B3GNT9: variants seen among roughly 807,000 people sequenced by gnomAD.
B3GNT9 encodes UDP-GlcNAc:betaGal beta-1,3-N-acetylglucosaminyltransferase 9, also known as BGnT-9.
For synonymous variants in B3GNT9, 359 were observed against 283.9 expected, an observed-to-expected ratio of 1.26 and a Z score of -2.66; for missense variants, 669 against 599.2, an observed-to-expected ratio of 1.12 and a Z score of -1.22.
rs2030336683 is a variant in B3GNT9 at position 67,148,982 on chromosome 16, C to G, written c.*295G>C. 2.6e-5 allele frequency: 9 copies of G among 350,124 alleles called. No individual in the cohort carries two copies. The highest frequency in any genetic ancestry group is 4.7e-5 in the Admixed American group (1 of 21,124). 21.7% of individuals were successfully genotyped at this position (350,124 alleles called of 1,614,324 possible). ...GATTCCCTAAGTCCCTGCCACCACACCAGAACACACCTCTGTGCTACTAGG... is the reference window on the plus strand; with the variant it reads ...GATTCCCTAAGTCCCTGCCACCACAGCAGAACACACCTCTGTGCTACTAGG... On this transcript the variant is annotated 3_prime_UTR_variant, in exon 2 of 2. Coordinates refer to ENST00000449549, the MANE Select transcript of B3GNT9 (RefSeq NM_033309.3).
rs926043429 is a variant in B3GNT9, at chr16:67,150,612, G to T, written c.-127C>A. 2 of 747,032 alleles carry T rather than the reference G, an allele frequency of 2.7e-6. No individual in the cohort carries two copies. The highest frequency in any genetic ancestry group is 4.3e-5 in the Admixed American group (1 of 22,990). 46.3% of individuals were successfully genotyped at this position (747,032 alleles called of 1,614,324 possible). Reference sequence around the variant, plus strand: ...CCGGGGGGGGCTCCAGCGACCGACGGTTGAGCCCCTTGCGTTGTTCTCCTC... The same window carrying T: ...CCGGGGGGGGCTCCAGCGACCGACGTTTGAGCCCCTTGCGTTGTTCTCCTC... On this transcript the variant is annotated 5_prime_UTR_variant, in exon 2 of 2. Coordinates refer to ENST00000449549, the MANE Select transcript of B3GNT9 (RefSeq NM_033309.3).
chr16:67,150,382 G>A lies in B3GNT9; in HGVS notation c.104C>T (p.Thr35Met). 2 of 1,348,324 alleles carry A rather than the reference G, an allele frequency of 1.5e-6. No individual in the cohort carries two copies. Among genetic ancestry groups the A allele is most frequent in the East Asian group, 3.1e-5 (1 of 32,340 alleles). The allele number at this position is 1,348,324 out of a possible 1,614,324, so 83.5% of individuals were successfully genotyped here. The stretch of plus-strand genomic sequence containing the variant: ...CCCTCGCCCTCGCGGCGCGCTCGCC[G>A]TCGGGGCCGCGCCGTCGCGCTGCGC... ...LYAQRDGAAPTASAPRGRGRA... is the reference protein window; with the variant it reads ...LYAQRDGAAPMASAPRGRGRA... Residue 35 changes from threonine to methionine, a missense_variant, in exon 2 of 2, where the codon ACG becomes ATG. Coordinates refer to ENST00000449549, the MANE Select transcript of B3GNT9 (RefSeq NM_033309.3).
Position 67,149,472 on chromosome 16 carries a change from G to T in B3GNT9, c.1014C>A (p.Thr338=). 1 of 1,608,850 alleles carries T rather than the reference G, an allele frequency of 6.2e-7. No individual in the cohort carries two copies. The highest frequency in any genetic ancestry group is 2.2e-5 in the East Asian group (1 of 44,640). The part of the protein sequence containing the change: ...LTPEPHPAFR[T]FGIPQPSAAP... ...CGGCTGAAGGCTGGGGGATGCCAAA[G>T]GTGCGGAAGGCAGGGTGAGGCTCGG... is the stretch of plus-strand genomic sequence containing the variant. Residue 338 remains threonine (T), a synonymous_variant, in exon 2 of 2, where the codon ACC becomes ACA. Coordinates refer to ENST00000449549, the MANE Select transcript of B3GNT9 (RefSeq NM_033309.3).
chr16:67,150,138 C>T lies in B3GNT9; in HGVS notation c.348G>A (p.Pro116=), dbSNP rs747769034. Residue 116 remains proline, a synonymous_variant, in exon 2 of 2, where the codon CCG becomes CCA. Coordinates refer to ENST00000449549, the MANE Select transcript of B3GNT9 (RefSeq NM_033309.3). ...CCGACTTGACAGCAATAAGCAGGTCCGGGCGGCCACCGGGTGCGCCGTCGC... is the reference window on the plus strand; with the variant it reads ...CCGACTTGACAGCAATAAGCAGGTCTGGGCGGCCACCGGGTGCGCCGTCGC... ...CRGDGAPGGR[P]DLLIAVKSVA... 2.6e-6 allele frequency: 4 copies of T among 1,522,250 alleles called. No homozygotes were observed. The African/African-American group carries it at 4.3e-5, about 16-fold the overall frequency. The allele number at this position is 1,522,250 out of a possible 1,614,324, so 94.3% of individuals were successfully genotyped here.
rs1391303647 is a variant in B3GNT9, at chr16:67,150,085, G to A, written c.401C>T (p.Ala134Val). 1.4e-5 allele frequency: 20 copies of A among 1,458,402 alleles called. No homozygotes were observed. Among genetic ancestry groups the A allele is most frequent in the Non-Finnish European group, 1.6e-5 (18 of 1,107,146 alleles). The allele number at this position is 1,458,402 out of a possible 1,614,324, so 90.3% of individuals were successfully genotyped here. A position where few individuals can be genotyped will look rare whatever the true frequency, so the allele number is the denominator to read the frequency against. The change falls in exon 2 of 2, where the codon GCC becomes GTC. Residue 134 changes from alanine (A) to valine (V), a missense_variant. By Grantham distance (64) the Ala-to-Val change is moderately conservative. Transcript: ENST00000449549. ...CTCCGCGCCCCACGTCTGGCGCACG[G>A]CTTGGCGCCGCTCGAAGTCCTCTGC... ...SVAEDFERRQ[A>V]VRQTWGAEGR... is the part of the protein sequence containing the mutation.
Position 67,149,419 on chromosome 16 carries a change from C to A in B3GNT9, c.1067G>T (p.Cys356Phe). The change falls in exon 2 of 2, where the codon TGC (cysteine) becomes TTC (phenylalanine). Residue 356 changes from cysteine (C) to phenylalanine (F), a missense_variant. Coordinates refer to ENST00000449549, the MANE Select transcript of B3GNT9 (RefSeq NM_033309.3). ...AAPHLSTFDP[C>F]FYRELVVVHG... is the part of the protein sequence containing the mutation. ...CACTACAACCAGCTCACGGTAAAAG[C>A]AGGGGTCGAAGGTGCTCAAATGCGG... 1 of 1,604,614 alleles carries A rather than the reference C, an allele frequency of 6.2e-7. No individual in the cohort carries two copies. Among genetic ancestry groups the A allele is most frequent in the Non-Finnish European group, 8.5e-7 (1 of 1,175,574 alleles).
chr16:67,148,410 G>A lies in B3GNT9; in HGVS notation c.*867C>T, dbSNP rs2030293783. 1 of 152,680 alleles carries A rather than the reference G, an allele frequency of 6.5e-6. No individual in the cohort carries two copies. Among genetic ancestry groups the A allele is most frequent in the African/African-American group, 2.4e-5 (1 of 41,454 alleles). The allele number at this position is 152,680 out of a possible 1,614,324, so 9.5% of individuals were successfully genotyped here. A position where few individuals can be genotyped will look rare whatever the true frequency, so the allele number is the denominator to read the frequency against. On this transcript the variant is annotated 3_prime_UTR_variant, in exon 2 of 2. Coordinates refer to ENST00000449549, the MANE Select transcript of B3GNT9 (RefSeq NM_033309.3). ...TTGCATATCCCCACTGTCAGGGGCAGCCAGGACTGTTCCCATCCTCCTGGA... is the reference window on the plus strand; with the variant it reads ...TTGCATATCCCCACTGTCAGGGGCAACCAGGACTGTTCCCATCCTCCTGGA...
Position 67,149,752 on chromosome 16 carries a change from G to C in B3GNT9, c.734C>G (p.Pro245Arg). The C allele has an allele frequency of 6.2e-7, 1 of 1,613,744 alleles. No homozygotes were observed. Among genetic ancestry groups the C allele is most frequent in the Non-Finnish European group, 8.5e-7 (1 of 1,179,826 alleles). The stretch of plus-strand genomic sequence containing the variant: ...AAGCAGGTCTTGCGCCGGGTCCCGC[G>C]GCGCCAGGAACTCCAGGAGATTTCC... ...NVGNLLEFLA[P>R]RDPAQDLLAG... Residue 245 changes from proline to arginine, a missense_variant, in exon 2 of 2, where the codon CCG (proline) becomes CGG (arginine). Physicochemically the swap from Pro to Arg is moderately radical, Grantham distance 103. Coordinates refer to ENST00000449549, the MANE Select transcript of B3GNT9 (RefSeq NM_033309.3).
chr16:67,149,627 C>T lies in B3GNT9; in HGVS notation c.859G>A (p.Ala287Thr), dbSNP rs1363845215. The T allele has an allele frequency of 6.2e-7, 1 of 1,600,186 alleles. No homozygotes were observed. ...VYGLPAYPAY[A>T]GGGGFVLSGA... ...GAAAGCACAAAGCCACCGCCGCCCG[C>T]GTAGGCCGGATAGGCGGGCAGGCCG... Residue 287 changes from alanine (A) to threonine (T), a missense_variant, in exon 2 of 2, where the codon GCG (alanine) becomes ACG (threonine). By Grantham distance (58) the Ala-to-Thr change is moderately conservative. Transcript: ENST00000449549.
chr16:67,149,188 G>A lies in B3GNT9; in HGVS notation c.*89C>T. 6.9e-7 allele frequency: 1 copy of A among 1,459,758 alleles called. No homozygotes were observed. Among genetic ancestry groups the A allele is most frequent in the Non-Finnish European group, 9.0e-7 (1 of 1,107,138 alleles). 90.4% of individuals were successfully genotyped at this position (1,459,758 alleles called of 1,614,324 possible). A position where few individuals can be genotyped will look rare whatever the true frequency, so the allele number is the denominator to read the frequency against. On this transcript the variant is annotated 3_prime_UTR_variant, in exon 2 of 2. Coordinates refer to ENST00000449549, the MANE Select transcript of B3GNT9 (RefSeq NM_033309.3). Reference sequence around the variant, plus strand: ...GATCCTGTGGAGACAGGCACCTGGTGATCAGGGAAGAACCACATACACGGC... The same window carrying A: ...GATCCTGTGGAGACAGGCACCTGGTAATCAGGGAAGAACCACATACACGGC...
chr16:67,149,246 T>A lies in B3GNT9; in HGVS notation c.*31A>T, dbSNP rs778795860. 6.6e-7 allele frequency: 1 copy of A among 1,508,568 alleles called. No homozygotes were observed. Among genetic ancestry groups the A allele is most frequent in the African/African-American group, 1.4e-5 (1 of 71,412 alleles). The allele number at this position is 1,508,568 out of a possible 1,614,324, so 93.4% of individuals were successfully genotyped here. A position where few individuals can be genotyped will look rare whatever the true frequency, so the allele number is the denominator to read the frequency against. On this transcript the variant is annotated 3_prime_UTR_variant, in exon 2 of 2. Coordinates refer to ENST00000449549, the MANE Select transcript of B3GNT9 (RefSeq NM_033309.3). ...TGGGAAACCGGCTCCATTCTGGGTC[T>A]GAGTTAGGAGCTTGGGGCTGTAGTG...
Position 67,150,433 on chromosome 16 carries a change from C to A in B3GNT9, c.53G>T (p.Gly18Val). 7.4e-7 allele frequency: 1 copy of A among 1,355,256 alleles called. No individual in the cohort carries two copies. Among genetic ancestry groups the A allele is most frequent in the Non-Finnish European group, 9.5e-7 (1 of 1,057,040 alleles). The allele number at this position is 1,355,256 out of a possible 1,614,324, so 84.0% of individuals were successfully genotyped here. Residue 18 changes from glycine (G) to valine (V), a missense_variant, in exon 2 of 2, where the codon GGC (glycine) becomes GTC (valine). Physicochemically the swap from Gly to Val is moderately radical, Grantham distance 109. Coordinates refer to ENST00000449549, the MANE Select transcript of B3GNT9 (RefSeq NM_033309.3). ...RRDALLTLLLGASLGLLLYAQ... is the reference protein window; with the variant it reads ...RRDALLTLLLVASLGLLLYAQ... ...ATAGAGTAAGAGGCCCAGGGAGGCG[C>A]CAAGGAGCAGCGTGAGCAATGCGTC...
Position 67,150,294 on chromosome 16 carries a change from G to A in B3GNT9, c.192C>T (p.Ala64=). The A allele has an allele frequency of 7.0e-7, 1 of 1,427,560 alleles. No individual in the cohort carries two copies. The highest frequency in any genetic ancestry group is 9.2e-7 in the Non-Finnish European group (1 of 1,086,066). The allele number at this position is 1,427,560 out of a possible 1,614,324, so 88.4% of individuals were successfully genotyped here. A position where few individuals can be genotyped will look rare whatever the true frequency, so the allele number is the denominator to read the frequency against. Reference sequence around the variant, plus strand: ...GTGTGTCCCCTTCGTAGGCCGGCGGGGCTGCACCCGCGTCGGGTAACTGGA... The same window carrying A: ...GTGTGTCCCCTTCGTAGGCCGGCGGAGCTGCACCCGCGTCGGGTAACTGGA... ...RAFQLPDAGA[A]PPAYEGDTPA... Residue 64 remains alanine, a synonymous_variant, in exon 2 of 2, where the codon GCC becomes GCT. Coordinates refer to ENST00000449549, the MANE Select transcript of B3GNT9 (RefSeq NM_033309.3).
Position 67,148,539 on chromosome 16 carries a change from A to C in B3GNT9, c.*738T>G, listed in dbSNP as rs1289597025. The C allele has an allele frequency of 6.6e-6, 1 of 152,130 alleles. No homozygotes were observed. Among genetic ancestry groups the C allele is most frequent in the Non-Finnish European group, 1.5e-5 (1 of 67,988 alleles). The allele number at this position is 152,130 out of a possible 1,614,324, so 9.4% of individuals were successfully genotyped here. A position where few individuals can be genotyped will look rare whatever the true frequency, so the allele number is the denominator to read the frequency against. On this transcript the variant is annotated 3_prime_UTR_variant, in exon 2 of 2. Coordinates refer to ENST00000449549, the MANE Select transcript of B3GNT9 (RefSeq NM_033309.3). ...TGCTGTTGCTGGGATGTTTGTATTAAGGTAAGTGTGGGTATTGGTTTTTTG... is the reference window on the plus strand; with the variant it reads ...TGCTGTTGCTGGGATGTTTGTATTACGGTAAGTGTGGGTATTGGTTTTTTG...
chr16:67,149,651 C>T lies in B3GNT9; in HGVS notation c.835G>A (p.Gly279Ser), dbSNP rs753380424. 1.9e-6 allele frequency: 3 copies of T among 1,602,456 alleles called. No homozygotes were observed. The highest frequency in any genetic ancestry group is 2.6e-6 in the Non-Finnish European group (3 of 1,174,858). ...SKYYIPEAVY[G>S]LPAYPAYAGG... is the part of the protein sequence containing the mutation. Reference sequence around the variant, plus strand: ...GCGTAGGCCGGATAGGCGGGCAGGCCGTACACGGCCTCGGGGATGTAGTAC... The same window carrying T: ...GCGTAGGCCGGATAGGCGGGCAGGCTGTACACGGCCTCGGGGATGTAGTAC... Residue 279 changes from glycine to serine, a missense_variant, in exon 2 of 2, where the codon GGC becomes AGC. Gly to Ser is a moderately conservative substitution (Grantham distance 56). Coordinates refer to ENST00000449549, the MANE Select transcript of B3GNT9 (RefSeq NM_033309.3).
rs748203274 is a variant in B3GNT9, at chr16:67,150,417, G to A, written c.69C>T (p.Leu23=). The A allele has an allele frequency of 3.7e-6, 5 of 1,358,094 alleles. No homozygotes were observed. Among genetic ancestry groups the A allele is most frequent in the Middle Eastern group, 2.7e-4 (1 of 3,652 alleles). 84.1% of individuals were successfully genotyped at this position (1,358,094 alleles called of 1,614,324 possible). The part of the protein sequence containing the change: ...LTLLLGASLG[L]LLYAQRDGAA... ...CGCCGTCGCGCTGCGCATAGAGTAA[G>A]AGGCCCAGGGAGGCGCCAAGGAGCA... The change falls in exon 2 of 2, where the codon CTC becomes CTT. Residue 23 remains leucine, a synonymous_variant. Transcript: ENST00000449549.
rs747170449 is a variant in B3GNT9 at position 67,149,544 on chromosome 16, G to C, written c.942C>G (p.Ile314Met). Reference protein sequence around the residue: ...GACAQVELFPIDDVFLGMCLQ... With the variant: ...GACAQVELFPMDDVFLGMCLQ... ...GACACATGCCCAGAAAGACGTCGTC[G>C]ATGGGGAAGAGCTCGACCTGCGCAC... The change falls in exon 2 of 2, where the codon ATC becomes ATG. Residue 314 changes from isoleucine (I) to methionine (M), a missense_variant. Coordinates refer to ENST00000449549, the MANE Select transcript of B3GNT9 (RefSeq NM_033309.3). 1.9e-6 allele frequency: 3 copies of C among 1,608,622 alleles called. No homozygotes were observed. The highest frequency in any genetic ancestry group is 2.5e-6 in the Non-Finnish European group (3 of 1,177,788).
rs1431967023 is a variant in B3GNT9 at position 67,149,755 on chromosome 16, G to GCCAGGAACT, written c.722_730dup (p.Glu241_Leu243dup). The GCCAGGAACT allele has an allele frequency of 6.2e-7, 1 of 1,613,624 alleles. No homozygotes were observed. Among genetic ancestry groups the GCCAGGAACT allele is most frequent in the African/African-American group, 1.3e-5 (1 of 74,912 alleles). ...CAGGTCTTGCGCCGGGTCCCGCGGC[G>GCCAGGAACT]CCAGGAACTCCAGGAGATTTCCCAC... On this transcript the variant is annotated inframe_insertion, in exon 2 of 2. Transcript: ENST00000449549.
chr16:67,150,568 G>A lies in B3GNT9; in HGVS notation c.-83C>T, dbSNP rs1318287107. On this transcript the variant is annotated 5_prime_UTR_variant, in exon 2 of 2. Coordinates refer to ENST00000449549, the MANE Select transcript of B3GNT9 (RefSeq NM_033309.3). ...AGCGAGCCCCGCCCTCCCCAGCTGA[G>A]GGGGCGGGAGGCCACGCCCCGGGGG... 2 of 1,167,448 alleles carry A rather than the reference G, an allele frequency of 1.7e-6. No individual in the cohort carries two copies. Among genetic ancestry groups the A allele is most frequent in the Admixed American group, 4.2e-5 (1 of 23,546 alleles). The allele number at this position is 1,167,448 out of a possible 1,614,324, so 72.3% of individuals were successfully genotyped here.
Sources: allele counts gnomAD v4.1 joint callset, GRCh38; gene constraint gnomAD v4.1.1; transcripts MANE v1.5; gene names NCBI Gene and HGNC (gene_info 2026-07-23, HGNC 2026-07-21).